The following KIF1B variants were observed in gnomAD, a reference collection of about 807,000 sequenced individuals.
KIF1B encodes the protein kinesin-like protein KIF1B.
A neutral mutation model predicts 241.9 loss-of-function variants in KIF1B; 76 were observed. That is an observed-to-expected ratio of 0.31 (90% CI 0.26 to 0.38). The LOEUF (loss-of-function observed/expected upper bound fraction) is 0.38. Ranked by LOEUF, KIF1B falls within the 10% of genes least tolerant of loss-of-function variation. The pLI is 1.00. For missense variants in KIF1B, 1,622 were observed against 2,271.4 expected (o/e 0.71, Z 5.81); for synonymous variants, 750 against 796.7 (o/e 0.94, Z 0.99).
At chr1:10,361,956 T>C (rs1638436092) in intron 40 of KIF1B, 131 bp downstream of exon 40, 2 of 976,748 alleles carry the variant, frequency 2.0e-6, no homozygotes, top group South Asian at 1.3e-5. Flanking sequence ...AACTGACACC[T>C]GGAATGTACT....
chr1:10,260,724 A>G (rs553820339), intron 4 of KIF1B, among the ~76,000 whole-genome samples: 23 of 151,900 alleles, frequency 1.5e-4, no homozygotes, highest in African/African-American at 5.3e-4. Context: ...AAAATGAGCC[A>G]GGCATGGTGG....
intron 2 of KIF1B, among the ~76,000 whole-genome samples, chr1:10,233,934 G>A (rs1275042461): frequency 6.6e-6 from 1 of 151,962 alleles, no homozygotes; most frequent in Non-Finnish European, 1.5e-5. Flanking sequence ...GAACCACCGC[G>A]CCTGGCCAAG....
intron 2 of KIF1B, among the ~76,000 whole-genome samples, chr1:10,237,358 A>G (rs1395609903): frequency 6.6e-6 from 1 of 152,210 alleles, no homozygotes. Context: ...AAACCTGGAG[A>G]CATTAAACCT....
rs776678008 is a variant in KIF1B at position 10,282,445 on chromosome 1, G to A, written c.1346G>A (p.Ser449Asn). 52 of 1,614,044 alleles carry A rather than the reference G, an allele frequency of 3.2e-5. No homozygotes were observed. The highest frequency in any genetic ancestry group is 4.2e-5 in the Non-Finnish European group (49 of 1,180,030). Reference sequence around the variant, plus strand: ...TCATCCCCATCTTCCTGCTCACTCAGTAGTCAGGTGGGCTTGACGTCTGTG... The same window carrying A: ...TCATCCCCATCTTCCTGCTCACTCAATAGTCAGGTGGGCTTGACGTCTGTG... ...LTSSPSSCSL[S>N]SQVGLTSVTS... The change falls in exon 15 of 49, where the codon AGT becomes AAT. Residue 449 changes from serine to asparagine, a missense_variant. By Grantham distance (46) the Ser-to-Asn change is conservative. This residue lies in a region of KIF1B where 201 missense variants were observed against 301.2 expected (regional missense o/e 0.67). Coordinates refer to ENST00000676179, the MANE Select transcript of KIF1B (RefSeq NM_001365951.3).
rs1638946880 is a variant in KIF1B at position 10,378,574 on chromosome 1, G to A, written c.*1987G>A. The A allele has an allele frequency of 6.4e-6, 4 of 620,224 alleles. No homozygotes were observed. The highest frequency in any genetic ancestry group is 1.2e-5 in the Non-Finnish European group (4 of 343,736). 38.4% of individuals were successfully genotyped at this position (620,224 alleles called of 1,614,324 possible). On this transcript the variant is annotated 3_prime_UTR_variant, in exon 49 of 49. Coordinates refer to ENST00000676179, the MANE Select transcript of KIF1B (RefSeq NM_001365951.3). The stretch of plus-strand genomic sequence containing the variant: ...GCTCACTCCCACTTGGTGAGTCCTC[G>A]GCCTTGAGGTTGCTGACTCTCAGGC...
At chr1:10,324,642 G>A (rs1362383733) in intron 25 of KIF1B, 116 bp from the exon 26 acceptor site, 4 of 1,220,950 alleles carry the variant, frequency 3.3e-6, no homozygotes, top group Non-Finnish European at 4.8e-6. Flanking sequence ...ATTAAACAGT[G>A]GGAGCAACTC....
At chr1:10,372,176 AGAG>A (rs377619343) in intron 45 of KIF1B, among the ~76,000 whole-genome samples, 7 of 152,184 alleles carry the variant, frequency 4.6e-5, no homozygotes, top group African/African-American at 1.7e-4. Flanking sequence ...TGTGCCACTA[AGAG>A]AAGAAGAAAA....
intron 43 of KIF1B, among the ~76,000 whole-genome samples, chr1:10,366,295 G>A (rs1246986022): frequency 1.3e-5 from 2 of 151,830 alleles, no homozygotes; most frequent in Non-Finnish European, 2.9e-5. Flanking sequence ...AGAATATTAG[G>A]TCACAAGCAT....
At chr1:10,305,649 T>G (rs1242884813) in intron 22 of KIF1B, 1 of 1,056,658 alleles carries the variant, frequency 9.5e-7, no homozygotes, top group Admixed American at 5.4e-5. Flanking sequence ...CATAATAAAC[T>G]ATTCTTTGGT....
Position 10,304,083 on chromosome 1 carries a change from T to C in KIF1B, c.2115+6837T>C, listed in dbSNP as rs776418854. The C allele has an allele frequency of 2.9e-5, 46 of 1,613,774 alleles. 1 individual carries two copies. The South Asian group carries it at 5.1e-4, about 18-fold the overall frequency. On this transcript the variant is annotated intron_variant, in intron 22 of 48. Coordinates refer to ENST00000676179, the MANE Select transcript of KIF1B (RefSeq NM_001365951.3). ...CCCGCTTCCCCTTTAAGAGCAACCC[T>C]AAACACAGAAACTCTTGGAGTCCTG...
At chr1:10,288,781 G>A (rs915308931) in intron 15 of KIF1B, among the ~76,000 whole-genome samples, 6 of 151,530 alleles carry the variant, frequency 4.0e-5, no homozygotes, top group African/African-American at 1.5e-4. Flanking sequence ...CTTTGCTTTT[G>A]CAGCTGCTGC....
chr1:10,257,106 GTTTT>G (rs35578047), intron 3 of KIF1B, among the ~76,000 whole-genome samples: 1 of 145,774 alleles, frequency 6.9e-6, no homozygotes, highest in Non-Finnish European at 1.5e-5. Flanking sequence ...CAGAGAAATT[GTTTT>G]TTTTTTGTTT....
At chr1:10,238,381 C>CAA (rs755794359) in intron 2 of KIF1B, among the ~76,000 whole-genome samples, 10,192 of 86,984 alleles carry the variant, frequency 0.12, 1,124 homozygotes, top group African/African-American at 0.28. Context: ...AACTTTGTCT[C>CAA]AAAAAAAAAA....
At chr1:10,324,661 T>TC in intron 25 of KIF1B, 97 bp from the exon 26 acceptor site, 1 of 1,458,064 alleles carries the variant, frequency 6.9e-7, no homozygotes, top group East Asian at 2.3e-5. Flanking sequence ...TCCTTTTTTT[T>TC]TTTTTGAAGA....
chr1:10,222,308 G>T (rs190776727), intron 1 of KIF1B, among the ~76,000 whole-genome samples: 1 of 152,186 alleles, frequency 6.6e-6, no homozygotes, highest in South Asian at 2.1e-4. Flanking sequence ...TGTGTATAGT[G>T]TAGGAAGGTG....
intron 28 of KIF1B, 39 bp downstream of exon 28, chr1:10,334,677 TTGTC>T (rs754182128): frequency 4.7e-6 from 7 of 1,498,318 alleles, no homozygotes; most frequent in Non-Finnish European, 6.5e-6. Flanking sequence ...TGTGAGTTCT[TTGTC>T]TAGAGACAAA....
At chr1:10,237,687 C>G (rs1302286609) in intron 2 of KIF1B, among the ~76,000 whole-genome samples, 1 of 152,066 alleles carries the variant, frequency 6.6e-6, no homozygotes, top group African/African-American at 2.4e-5. Flanking sequence ...GTAACTGATA[C>G]AAATAATGAT....
rs570649660 is a variant in KIF1B at position 10,351,763 on chromosome 1, C to T, written c.3950-868C>T. ...GGAGGATCGTTTGAGCTCAGGAGTTCGAGACCAGCCTGAGCGACATAGTGG... is the reference window on the plus strand; with the variant it reads ...GGAGGATCGTTTGAGCTCAGGAGTTTGAGACCAGCCTGAGCGACATAGTGG... On this transcript the variant is annotated intron_variant, in intron 37 of 48. Transcript: ENST00000676179. 5.3e-5 allele frequency among the ~76,000 whole-genome samples: 8 copies of T among 152,104 alleles called. No individual in the cohort carries two copies. In the East Asian group the frequency reaches 7.7e-4, roughly 15 times the overall value.
chr1:10,286,965 G>T (rs1649745627), intron 15 of KIF1B, among the ~76,000 whole-genome samples: 1 of 152,132 alleles, frequency 6.6e-6, no homozygotes, highest in Non-Finnish European at 1.5e-5. Flanking sequence ...GGTATGGGAA[G>T]CCCTGGACAC....
Sources: allele counts gnomAD v4.1 joint callset (sites outside exome capture counted in the v4.1 genomes callset), GRCh38; gene constraint gnomAD v4.1.1; regional missense constraint gnomAD v4.1.1; transcripts MANE v1.5; gene names NCBI Gene and HGNC (gene_info 2026-07-23, HGNC 2026-07-21).